Variants in ALDH16A1 observed in about 807,000 individuals in gnomAD.
ALDH16A1 encodes aldehyde dehydrogenase family 16 member A1.
A neutral mutation model predicts 96.1 loss-of-function variants in ALDH16A1; 88 were observed. The ratio of observed to expected loss-of-function variants is 0.92; its 90% CI spans 0.77 to 1.09. The LOEUF is 1.09. ALDH16A1 is among the 50% of genes least tolerant of loss of function. The pLI is 0.00. For synonymous variants in ALDH16A1, 522 were observed against 496.4 expected (o/e 1.05, Z -0.69); for missense variants, 1,250 against 1,112.6 (o/e 1.12, Z -1.76).
At chr19:49,454,371 G>A (rs1183297172) in intron 1 of ALDH16A1, among the ~76,000 whole-genome samples, 1 of 151,938 alleles carries the variant, frequency 6.6e-6, no homozygotes, top group African/African-American at 2.4e-5. Flanking sequence ...ATACCCTCAC[G>A]GGGCTCCTAT....
intron 12 of ALDH16A1, 140 bp downstream of exon 12, chr19:49,464,902 A>C: frequency 1.5e-6 from 2 of 1,340,466 alleles, no homozygotes; most frequent in Non-Finnish European, 1.0e-6. Flanking sequence ...TTGTGGCCTC[A>C]CACTTTCCCT....
Position 49,470,374 on chromosome 19 carries a change from G to T in ALDH16A1, c.2316G>T (p.Pro772=), listed in dbSNP as rs770048555. 2 of 1,613,032 alleles carry T rather than the reference G, an allele frequency of 1.2e-6. No homozygotes were observed. Among genetic ancestry groups the T allele is most frequent in the Non-Finnish European group, 1.7e-6 (2 of 1,179,772 alleles). ...CGGTGTGGGCGAGCAGGGGCTGCCC[G>T]CGGGCCTGGGACCAGGAGGCCGAGG... is the stretch of plus-strand genomic sequence containing the variant. The part of the protein sequence containing the change: ...LKPVWASRGC[P]RAWDQEAEGA... Residue 772 remains proline (P), a synonymous_variant, in exon 17 of 17, where the codon CCG becomes CCT. Coordinates refer to ENST00000293350, the MANE Select transcript of ALDH16A1 (RefSeq NM_153329.4).
Position 49,466,203 on chromosome 19 carries a change from G to A in ALDH16A1, c.1858G>A (p.Ala620Thr). The A allele has an allele frequency of 6.5e-7, 1 of 1,536,924 alleles. No homozygotes were observed. Among genetic ancestry groups the A allele is most frequent in the Non-Finnish European group, 8.7e-7 (1 of 1,142,970 alleles). The change falls in exon 14 of 17, where the codon GCG becomes ACG. Residue 620 changes from alanine (A) to threonine (T), a missense_variant. Physicochemically the swap from Ala to Thr is moderately conservative, Grantham distance 58. Transcript: ENST00000293350. Reference protein sequence around the residue: ...LERQGAELKAAEAEVELSARR... With the variant: ...LERQGAELKATEAEVELSARR... ...GAGGCAGGGAGCGGAGCTCAAGGCT[G>A]CGGAGGCGGAGGTGGAGCTGAGCGC...
In ALDH16A1 at chr19:49,459,316, T is replaced by C. The variant is rs952079121; in HGVS notation, c.320+230T>C. ...TTTCCCAGGACATTCTTGGAGTGCA[T>C]TGGGGCTCAGTTCACTGGGGCTGGT... is the stretch of plus-strand genomic sequence containing the variant. On this transcript the variant is annotated intron_variant, in intron 3 of 16. Coordinates refer to ENST00000293350, the MANE Select transcript of ALDH16A1 (RefSeq NM_153329.4). This position sits in a 1 kb window ranked among gnomAD's most constrained non-coding sequence, Gnocchi z 4.1. Among the ~76,000 whole-genome samples, 12 of 152,350 alleles carry C rather than the reference T, an allele frequency of 7.9e-5. No individual in the cohort carries two copies. The highest frequency in any genetic ancestry group is 1.2e-4 in the African/African-American group (5 of 41,580).
At position 49,468,699 on chromosome 19, in the gene ALDH16A1, CA is replaced by C; in HGVS notation, c.2124+136del. 7.3e-7 allele frequency: 1 copy of C among 1,366,800 alleles called. No individual in the cohort carries two copies. Among genetic ancestry groups the C allele is most frequent in the South Asian group, 1.3e-5 (1 of 74,420 alleles). 84.7% of individuals were successfully genotyped at this position (1,366,800 alleles called of 1,614,324 possible). ...CCATGCTGCCCCCAGCCCCAGCACCCAAACCTTCACTCCTTGGGGACCCAGT... is the reference window on the plus strand; with the variant it reads ...CCATGCTGCCCCCAGCCCCAGCACCCAACCTTCACTCCTTGGGGACCCAGT... On this transcript the variant is annotated intron_variant, in intron 15 of 16. Transcript: ENST00000293350. This position sits in a 1 kb window ranked among gnomAD's most constrained non-coding sequence, Gnocchi z 4.4.
Position 49,470,436 on chromosome 19 carries a change from C to G in ALDH16A1, c.2378C>G (p.Thr793Ser). Residue 793 changes from threonine to serine, a missense_variant, in exon 17 of 17, where the codon ACC (threonine) becomes AGC (serine). Physicochemically the swap from Thr to Ser is moderately conservative, Grantham distance 58. Transcript: ENST00000293350. ...GPELGLRVAR[T>S]KALWLPMGD ...GAGCTGGGGCTGCGAGTGGCGCGGA[C>G]CAAGGCCCTGTGGCTGCCTATGGGG... is the stretch of plus-strand genomic sequence containing the variant. 3 of 1,603,260 alleles carry G rather than the reference C, an allele frequency of 1.9e-6. No homozygotes were observed. Among genetic ancestry groups the G allele is most frequent in the Non-Finnish European group, 2.6e-6 (3 of 1,175,708 alleles).
chr19:49,466,384 C>T, intron 14 of ALDH16A1, 101 bp downstream of exon 14: 1 of 1,233,408 alleles, frequency 8.1e-7, no homozygotes, highest in Non-Finnish European at 1.1e-6. Context: ...CCCAGCCCCA[C>T]CGCCTTCCAC....
At chr19:49,466,018 A>G in intron 13 of ALDH16A1, 64 bp from the exon 14 acceptor site, 1 of 1,537,726 alleles carries the variant, frequency 6.5e-7, no homozygotes. Flanking sequence ...CTGTGGACAG[A>G]GGTGGGGTGT....
Position 49,462,686 on chromosome 19 carries a change from G to A in ALDH16A1, c.1029G>A (p.Gly343=). The A allele has an allele frequency of 6.2e-7, 1 of 1,608,748 alleles. No individual in the cohort carries two copies. Among genetic ancestry groups the A allele is most frequent in the Non-Finnish European group, 8.5e-7 (1 of 1,178,754 alleles). Residue 343 remains glycine (G), a synonymous_variant, in exon 8 of 17, where the codon GGG becomes GGA. Transcript: ENST00000293350. ...GRGLDGAVDM[G]ARGAAACDLV... ...GGCTGGATGGGGCCGTGGACATGGG[G>A]GCCCGGGGGGCTGCCGCATGTGACC...
chr19:49,469,282 G>A (rs1265063340), intron 16 of ALDH16A1: 2 of 235,874 alleles, frequency 8.5e-6, no homozygotes, highest in Non-Finnish European at 1.6e-5. Flanking sequence ...TTTCTATTTT[G>A]AGACAGAACC....
At chr19:49,461,429 GCTGGGC>G (rs2079143470) in intron 5 of ALDH16A1, among the ~76,000 whole-genome samples, 184 bp from the exon 6 acceptor site, 2 of 120,574 alleles carry the variant, frequency 1.7e-5, no homozygotes, top group Non-Finnish European at 1.7e-5. Context: ...GGGAGGAGGG[GCTGGGC>G]CTGGACTCCG....
chr19:49,461,145 GA>G lies in ALDH16A1; in HGVS notation c.577+247del, dbSNP rs1275880486. Among the ~76,000 whole-genome samples, 37 of 143,824 alleles carry G rather than the reference GA, an allele frequency of 2.6e-4. 4 individuals carry two copies. Among genetic ancestry groups the G allele is most frequent in the African/African-American group, 8.1e-4 (29 of 35,772 alleles). 94.4% of individuals were successfully genotyped at this position (143,824 alleles called of 152,430 possible). On this transcript the variant is annotated intron_variant, in intron 5 of 16. Coordinates refer to ENST00000293350, the MANE Select transcript of ALDH16A1 (RefSeq NM_153329.4). Reference sequence around the variant, plus strand: ...CCTGAGTCTGAGGGAGGAGGGGCTGGAGTCTGGACTCCTGGGTCTGAGGGAG... The same window carrying G: ...CCTGAGTCTGAGGGAGGAGGGGCTGGGTCTGGACTCCTGGGTCTGAGGGAG...
intron 14 of ALDH16A1, among the ~76,000 whole-genome samples, chr19:49,467,717 A>G (rs1057080891): frequency 2.0e-5 from 3 of 151,382 alleles, no homozygotes; most frequent in Admixed American, 2.0e-4. Context: ...ATTTTATTTT[A>G]CTTTAGTTCT....
chr19:49,456,622 T>G (rs1364479888), intron 1 of ALDH16A1, among the ~76,000 whole-genome samples: 1 of 151,960 alleles, frequency 6.6e-6, no homozygotes, highest in African/African-American at 2.4e-5. Flanking sequence ...ACTCCTCAGC[T>G]CAAGCAATCC....
At position 49,461,948 on chromosome 19, in the gene ALDH16A1, C is replaced by CGGA; in HGVS notation, c.826_828dup (p.Glu276dup). 6.4e-7 allele frequency: 1 copy of CGGA among 1,570,274 alleles called. No homozygotes were observed. Among genetic ancestry groups the CGGA allele is most frequent in the Non-Finnish European group, 8.6e-7 (1 of 1,160,074 alleles). Reference sequence around the variant, plus strand: ...GCGGAGCTGGGCCTGGCGCTGGGGACGGAGTCGCTGCTGCTGCTGACGGAC... The same window carrying CGGA: ...GCGGAGCTGGGCCTGGCGCTGGGGACGGAGGAGTCGCTGCTGCTGCTGACGGAC... On this transcript the variant is annotated inframe_insertion, in exon 7 of 17. Transcript: ENST00000293350.
Position 49,464,623 on chromosome 19 carries a change from C to T in ALDH16A1, c.1438-9C>T. 1.9e-6 allele frequency: 3 copies of T among 1,614,162 alleles called. No homozygotes were observed. Among genetic ancestry groups the T allele is most frequent in the East Asian group, 4.5e-5 (2 of 44,874 alleles). ...CCCTTGCATCCTCTTGACACCGTCC[C>T]TCTCACAGGGGCTGTATGAGTATCT... On this transcript the variant is annotated splice_polypyrimidine_tract_variant and intron_variant, in intron 11 of 16. Transcript: ENST00000293350.
rs181566168 is a variant in ALDH16A1, at chr19:49,466,211, G to A, written c.1866G>A (p.Ala622=). The A allele has an allele frequency of 5.3e-3, 8,200 of 1,533,206 alleles. 82 individuals carry two copies. Among genetic ancestry groups the A allele is most frequent in the Non-Finnish European group, 4.6e-3 (5,264 of 1,141,120 alleles). 95.0% of individuals were successfully genotyped at this position (1,533,206 alleles called of 1,614,324 possible). A position where few individuals can be genotyped will look rare whatever the true frequency, so the allele number is the denominator to read the frequency against. Residue 622 remains alanine, a synonymous_variant, in exon 14 of 17, where the codon GCG becomes GCA. Transcript: ENST00000293350. The stretch of plus-strand genomic sequence containing the variant: ...GAGCGGAGCTCAAGGCTGCGGAGGC[G>A]GAGGTGGAGCTGAGCGCAAGACGAC... The part of the protein sequence containing the change: ...RQGAELKAAE[A]EVELSARRLR...
At chr19:49,467,973 T>G (rs1461583599) in intron 14 of ALDH16A1, among the ~76,000 whole-genome samples, 2 of 149,542 alleles carry the variant, frequency 1.3e-5, no homozygotes, top group Non-Finnish European at 3.0e-5. Flanking sequence ...GCTAACACAG[T>G]GAAACCCCGT....
chr19:49,458,938 G>A, intron 2 of ALDH16A1, 22 bp from the exon 3 acceptor site: 1 of 1,605,052 alleles, frequency 6.2e-7, no homozygotes. Flanking sequence ...TCCCATCTGA[G>A]TCCCCCCACT....
Sources: gnomAD v4.1 joint callset for allele counts (sites outside exome capture counted in the v4.1 genomes callset) on GRCh38, gnomAD v4.1.1 for gene constraint, Gnocchi (gnomAD v3.1) non-coding constraint, MANE v1.5 for transcripts, NCBI Gene and HGNC (gene_info 2026-07-23, HGNC 2026-07-21) for gene names.